Variants in ECT2 observed in about 807,000 individuals in gnomAD.
ECT2 encodes the protein epithelial cell transforming 2.
ECT2 carries 61 observed loss-of-function variants against 116.9 expected under a neutral mutation model. The ratio of observed to expected loss-of-function variants is 0.52; its 90% CI spans 0.42 to 0.65. ECT2 has a LOEUF of 0.65. Among genes scored for constraint, ECT2 ranks in the 30% least tolerant of loss-of-function variants. ECT2 has a pLI of 0.00. For missense variants in ECT2, 937 were observed against 1,078.7 expected (o/e 0.87, Z 1.84); for synonymous variants, 358 against 346.4 (o/e 1.03, Z -0.37).
chr3:172,774,372 A>AT (rs1391886809), intron 14 of ECT2, among the ~76,000 whole-genome samples: 16 of 151,494 alleles, frequency 1.1e-4, no homozygotes, highest in Admixed American at 5.9e-4. Flanking sequence ...TAATTTTTGT[A>AT]TTTTTTTTGT....
At chr3:172,782,833 C>G (rs1327862551) in intron 15 of ECT2, among the ~76,000 whole-genome samples, 1 of 151,504 alleles carries the variant, frequency 6.6e-6, no homozygotes, top group Non-Finnish European at 1.5e-5. Flanking sequence ...GGATGATGCC[C>G]TCCAGTTCCA....
At chr3:172,768,902 A>G (rs1720061829) in intron 12 of ECT2, 105 bp from the exon 13 acceptor site, 5 of 1,306,594 alleles carry the variant, frequency 3.8e-6, no homozygotes, top group Non-Finnish European at 5.2e-6. Flanking sequence ...ATGGTGGTAC[A>G]TTTATAAGAG....
At chr3:172,756,925 CAGAT>C (rs1717100463) in intron 4 of ECT2, 54 bp from the exon 5 acceptor site, 4 of 1,393,762 alleles carry the variant, frequency 2.9e-6, no homozygotes, top group Non-Finnish European at 3.9e-6. Context: ...TTTAGAGAGA[CAGAT>C]GGATTATTTG....
chr3:172,818,652 A>G (rs1730193371), intron 24 of ECT2: 1 of 1,289,356 alleles, frequency 7.8e-7, no homozygotes, highest in Non-Finnish European at 1.0e-6. Context: ...CCTGGTTTCA[A>G]TCTGTACGTC....
At chr3:172,794,264 T>C (rs931978151) in intron 18 of ECT2, among the ~76,000 whole-genome samples, 1 of 152,238 alleles carries the variant, frequency 6.6e-6, no homozygotes, top group South Asian at 2.1e-4. Flanking sequence ...TGATCCATTT[T>C]GAGTTAATTT....
In ECT2 at chr3:172,782,083, A is replaced by G. The variant is rs1043998034; in HGVS notation, c.1549-80A>G. 11 of 742,406 alleles carry G rather than the reference A, an allele frequency of 1.5e-5. No homozygotes were observed. In the Admixed American group the frequency reaches 2.7e-4, roughly 18 times the overall value. 46.0% of individuals were successfully genotyped at this position (742,406 alleles called of 1,614,324 possible). A position where few individuals can be genotyped will look rare whatever the true frequency, so the allele number is the denominator to read the frequency against. On this transcript the variant is annotated intron_variant, in intron 14 of 24. Coordinates refer to ENST00000392692, the MANE Select transcript of ECT2 (RefSeq NM_001258315.2). Reference sequence around the variant, plus strand: ...ACACTTTGTAAAGTGCTTCTTTCCAATGAGTATCTCAGAAATAATAAAAGT... The same window carrying G: ...ACACTTTGTAAAGTGCTTCTTTCCAGTGAGTATCTCAGAAATAATAAAAGT...
chr3:172,822,374 A>T (rs1322319781), downstream of ECT2, among the ~76,000 whole-genome samples: 1 of 152,004 alleles, frequency 6.6e-6, no homozygotes. Context: ...TAACCAAGAA[A>T]TAATTTTCAT....
chr3:172,754,368 A>C, intron 1 of ECT2, 141 bp from the exon 2 acceptor site: 1 of 557,726 alleles, frequency 1.8e-6, no homozygotes, highest in Non-Finnish European at 3.1e-6. Flanking sequence ...TGAGGCTCAG[A>C]GAAGGTCAGT....
rs1470571330 is a variant in ECT2 at position 172,816,755 on chromosome 3, C to A, written c.2573C>A (p.Ser858Tyr). The change falls in exon 24 of 25, where the codon TCC becomes TAC. Residue 858 changes from serine (S) to tyrosine (Y), a missense_variant. By Grantham distance (144) the Ser-to-Tyr change is moderately radical. Transcript: ENST00000392692. The stretch of plus-strand genomic sequence containing the variant: ...GCTCTTCGAAGGGCTCTTATGACAT[C>A]CCACGGCTCAGTGGAGGGAAGAAGT... ...KRALRRALMT[S>Y]HGSVEGRSPS... is the part of the protein sequence containing the mutation. 2 of 1,611,302 alleles carry A rather than the reference C, an allele frequency of 1.2e-6. No individual in the cohort carries two copies. Among genetic ancestry groups the A allele is most frequent in the Admixed American group, 3.3e-5 (2 of 59,930 alleles).
intron 1 of ECT2, 100 bp downstream of exon 1, chr3:172,750,957 C>T (rs368942417): frequency 6.6e-6 from 1 of 152,378 alleles, no homozygotes; most frequent in Non-Finnish European, 1.5e-5. Flanking sequence ...CTAGTGACCG[C>T]GAATTCCGGA....
chr3:172,753,814 G>A (rs1428221792), intron 1 of ECT2, among the ~76,000 whole-genome samples: 1 of 152,194 alleles, frequency 6.6e-6, no homozygotes, highest in African/African-American at 2.4e-5. Flanking sequence ...ATAGTTAGGC[G>A]GGGACCAAAT....
chr3:172,803,891 A>G (rs1244780238), intron 20 of ECT2, among the ~76,000 whole-genome samples: 1 of 150,658 alleles, frequency 6.6e-6, no homozygotes, highest in Non-Finnish European at 1.5e-5. Flanking sequence ...TGCAGCCTTG[A>G]CTTCCTGGGC....
At chr3:172,782,973 T>C (rs746478872) in intron 15 of ECT2, among the ~76,000 whole-genome samples, 4 of 152,172 alleles carry the variant, frequency 2.6e-5, no homozygotes, top group Admixed American at 6.6e-5. Flanking sequence ...ACTCCATGTC[T>C]TGCTATTGTG....
At chr3:172,783,679 C>T (rs1723111317) in intron 15 of ECT2, 120 bp from the exon 16 acceptor site, 1 of 641,672 alleles carries the variant, frequency 1.6e-6, no homozygotes, top group South Asian at 1.8e-5. Context: ...TAGAAATTTA[C>T]TTTAAACTTT....
At chr3:172,753,841 A>C (rs1716420918) in intron 1 of ECT2, among the ~76,000 whole-genome samples, 2 of 152,278 alleles carry the variant, frequency 1.3e-5, no homozygotes, top group Middle Eastern at 3.4e-3. Context: ...CTTGGTGGTG[A>C]ATTTGGACTT....
intron 13 of ECT2, 131 bp from the exon 14 acceptor site, chr3:172,773,770 CAA>C: frequency 1.1e-6 from 1 of 922,602 alleles, no homozygotes; most frequent in South Asian, 1.9e-5. Context: ...GAAAATGTCT[CAA>C]ATTTAGGGAG....
At chr3:172,754,810 G>T (rs760949053) in intron 2 of ECT2, 150 bp downstream of exon 2, 1 of 635,998 alleles carries the variant, frequency 1.6e-6, no homozygotes, top group Non-Finnish European at 2.6e-6. Context: ...TTTACACTAT[G>T]TCATTTTTCT....
At chr3:172,808,486 A>T (rs1241553436) in intron 22 of ECT2, among the ~76,000 whole-genome samples, 3 of 152,314 alleles carry the variant, frequency 2.0e-5, no homozygotes, top group Non-Finnish European at 4.4e-5. Flanking sequence ...TATAATTATC[A>T]TTATACTATA....
chr3:172,804,160 A>G (rs547568443), intron 20 of ECT2, among the ~76,000 whole-genome samples: 6 of 152,168 alleles, frequency 3.9e-5, no homozygotes, highest in Admixed American at 2.6e-4. Context: ...TCCTACTTCT[A>G]TCAAAGTATT....
Sources: gnomAD v4.1 joint callset for allele counts (sites outside exome capture counted in the v4.1 genomes callset) on GRCh38, gnomAD v4.1.1 for gene constraint, MANE v1.5 for transcripts, NCBI Gene and HGNC (gene_info 2026-07-23, HGNC 2026-07-21) for gene names.